The following FZD3 variants were observed in gnomAD, a reference collection of about 807,000 sequenced individuals.
FZD3 encodes the protein frizzled class receptor 3, also known as frizzled-3.
In FZD3, 30 loss-of-function variants were observed where a neutral mutation model predicts 60.7. The observed-to-expected ratio is 0.49, with a 90% CI of 0.37 to 0.67. FZD3 has a LOEUF of 0.67. Ranked by LOEUF, FZD3 falls within the 30% of genes least tolerant of loss-of-function variation. FZD3 has a pLI of 0.00. For synonymous variants in FZD3, 246 were observed against 275.2 expected (o/e 0.89, Z 1.05); for missense variants, 605 against 838.7 (o/e 0.72, Z 3.44).
chr8:28,506,005 C>A (rs1339020158), intron 3 of FZD3, among the ~76,000 whole-genome samples: 1 of 152,168 alleles, frequency 6.6e-6, no homozygotes, highest in African/African-American at 2.4e-5. Context: ...TTCTCTTTTC[C>A]CCTGTGTATG....
chr8:28,543,490 C>T (rs966464522), intron 5 of FZD3, among the ~76,000 whole-genome samples: 2 of 152,116 alleles, frequency 1.3e-5, no homozygotes, highest in Admixed American at 6.5e-5. Context: ...AAACAGTTCT[C>T]TTGCCTCAGC....
intron 4 of FZD3, 97 bp downstream of exon 4, chr8:28,520,931 G>A: frequency 1.3e-6 from 1 of 745,978 alleles, no homozygotes; most frequent in Non-Finnish European, 2.1e-6. Flanking sequence ...AACTTTTTTT[G>A]AAGTGTACAT....
chr8:28,522,122 T>TTTTA (rs1804596424), intron 4 of FZD3, among the ~76,000 whole-genome samples: 1 of 151,076 alleles, frequency 6.6e-6, no homozygotes, highest in Admixed American at 6.6e-5. Flanking sequence ...TTTTTTTTTT[T>TTTTA]GAGATGGAAT....
intron 6 of FZD3, among the ~76,000 whole-genome samples, chr8:28,552,999 G>A (rs762470048): frequency 1.3e-5 from 2 of 152,144 alleles, no homozygotes; most frequent in Non-Finnish European, 2.9e-5. Flanking sequence ...GTATACAAGA[G>A]GTTGTATGCA....
chr8:28,555,905 A>G lies in FZD3; in HGVS notation c.1721A>G (p.Lys574Arg). ...GCTATGGTGGATGATCAAAGAAGCA[A>G]AGCAGGAAGCATCCACAGCAAAGTG... The part of the protein sequence containing the change: ...QLAMVDDQRS[K>R]AGSIHSKVSS... Residue 574 changes from lysine (K) to arginine (R), a missense_variant, in exon 7 of 8, where the codon AAA becomes AGA. Coordinates refer to ENST00000240093, the MANE Select transcript of FZD3 (RefSeq NM_017412.4). 6.2e-7 allele frequency: 1 copy of G among 1,614,120 alleles called. No individual in the cohort carries two copies.
At chr8:28,522,920 C>G (rs1248817277) in intron 4 of FZD3, among the ~76,000 whole-genome samples, 2 of 151,978 alleles carry the variant, frequency 1.3e-5, no homozygotes, top group African/African-American at 4.8e-5. Context: ...CAGGTGCCCA[C>G]CACCACATCC....
Position 28,527,912 on chromosome 8 carries a change from A to C in FZD3, c.1152A>C (p.Val384=), listed in dbSNP as rs754026318. Residue 384 remains valine, a synonymous_variant, in exon 5 of 8, where the codon GTA becomes GTC. Coordinates refer to ENST00000240093, the MANE Select transcript of FZD3 (RefSeq NM_017412.4). This position sits in a 1 kb window ranked among gnomAD's most constrained non-coding sequence, Gnocchi z 5.0. Reference sequence around the variant, plus strand: ...TTGCTCCCCTCTGCCTGTATGTGGTAGTTGGGGTTTCTCTCCTCTTAGCTG... The same window carrying C: ...TTGCTCCCCTCTGCCTGTATGTGGTCGTTGGGGTTTCTCTCCTCTTAGCTG... The part of the protein sequence containing the change: ...FVLAPLCLYV[V]VGVSLLLAGI... 2 of 1,613,974 alleles carry C rather than the reference A, an allele frequency of 1.2e-6. No homozygotes were observed. Among genetic ancestry groups the C allele is most frequent in the Non-Finnish European group, 1.7e-6 (2 of 1,179,970 alleles).
Position 28,560,659 on chromosome 8 carries a change from C to T in FZD3, c.1788-2139C>T, listed in dbSNP as rs113228606. ...TAACTTTATATCATTACTAGAAAAC[C>T]GCATCATATTTTGCTCTTTTCATTT... On this transcript the variant is annotated intron_variant, in intron 7 of 7. Coordinates refer to ENST00000240093, the MANE Select transcript of FZD3 (RefSeq NM_017412.4). 9.1e-3 allele frequency among the ~76,000 whole-genome samples: 1,390 copies of T among 151,996 alleles called. 25 individuals are homozygous for T. The highest frequency in any genetic ancestry group is 0.031 in the African/African-American group (1,303 of 41,456).
At chr8:28,507,781 A>G (rs1804179353) in intron 3 of FZD3, among the ~76,000 whole-genome samples, 2 of 132,286 alleles carry the variant, frequency 1.5e-5, no homozygotes, top group Admixed American at 8.2e-5. Context: ...TTCATTGTGA[A>G]CTCAAGGATT....
intron 5 of FZD3, among the ~76,000 whole-genome samples, chr8:28,545,861 A>G (rs1805281624): frequency 6.6e-6 from 1 of 152,238 alleles, no homozygotes; most frequent in South Asian, 2.1e-4. Context: ...ACAGCCATGC[A>G]CCACATAACA....
rs59022036 is a variant in FZD3, at chr8:28,530,089, CTGTGTGTGTGTGTGTGTGTGTGTG to C, written c.1404+1955_1404+1978del. On this transcript the variant is annotated intron_variant, in intron 5 of 7. Transcript: ENST00000240093. ...CAGTTTGAGCTACACTGAAATATAT[CTGTGTGTGTGTGTGTGTGTGTGTG>C]TGTGTGTGTGTGTGTGTGTGTGTGT... Among the ~76,000 whole-genome samples the C allele has an allele frequency of 5.3e-3, 732 of 138,600 alleles. 9 individuals carry two copies. The highest frequency in any genetic ancestry group is 0.019 in the African/African-American group (694 of 37,402). The allele number at this position is 138,600 out of a possible 152,430, so 90.9% of individuals were successfully genotyped here. A position where few individuals can be genotyped will look rare whatever the true frequency, so the allele number is the denominator to read the frequency against.
Position 28,573,175 on chromosome 8 carries a change from C to T in FZD3, c.*10164C>T, listed in dbSNP as rs1805835732. 6.6e-6 allele frequency: 1 copy of T among 152,102 alleles called. No homozygotes were observed. Among genetic ancestry groups the T allele is most frequent in the South Asian group, 2.1e-4 (1 of 4,822 alleles). 9.4% of individuals were successfully genotyped at this position (152,102 alleles called of 1,614,324 possible). ...AACTTCCTTACCTGCCTTCTATCCC[C>T]TAGTCATTCTTATCAATACTTCCAA... On this transcript the variant is annotated 3_prime_UTR_variant, in exon 8 of 8. Transcript: ENST00000240093.
At chr8:28,541,175 CCTT>C (rs1805157441) in intron 5 of FZD3, among the ~76,000 whole-genome samples, 3 of 152,186 alleles carry the variant, frequency 2.0e-5, no homozygotes, top group East Asian at 1.9e-4. Flanking sequence ...AGGGGACACT[CCTT>C]CTTTATAGCA....
At position 28,555,894 on chromosome 8, in the gene FZD3, T is replaced by G; in HGVS notation, c.1710T>G (p.Asp570Glu). ...CAACTCAGCTGGCTATGGTGGATGA[T>G]CAAAGAAGCAAAGCAGGAAGCATCC... Reference protein sequence around the residue: ...ASSTQLAMVDDQRSKAGSIHS... With the variant: ...ASSTQLAMVDEQRSKAGSIHS... Residue 570 changes from aspartate (D) to glutamate (E), a missense_variant, in exon 7 of 8, where the codon GAT becomes GAG. Transcript: ENST00000240093. 2 of 1,614,048 alleles carry G rather than the reference T, an allele frequency of 1.2e-6. No homozygotes were observed. The highest frequency in any genetic ancestry group is 1.7e-5 in the Admixed American group (1 of 60,008).
chr8:28,572,820 G>A lies in FZD3; in HGVS notation c.*9809G>A, dbSNP rs1377331657. 1 of 152,036 alleles carries A rather than the reference G, an allele frequency of 6.6e-6. No homozygotes were observed. Among genetic ancestry groups the A allele is most frequent in the Non-Finnish European group, 1.5e-5 (1 of 68,000 alleles). 9.4% of individuals were successfully genotyped at this position (152,036 alleles called of 1,614,324 possible). On this transcript the variant is annotated 3_prime_UTR_variant, in exon 8 of 8. Transcript: ENST00000240093. ...CCTTTATTTCATTATAAAAGTATAT[G>A]AGTTGAAGATCATATAAAAAATATG...
chr8:28,558,955 T>A (rs1461623608), intron 7 of FZD3, among the ~76,000 whole-genome samples: 2 of 152,122 alleles, frequency 1.3e-5, no homozygotes, highest in Non-Finnish European at 2.9e-5. Context: ...CATACACATA[T>A]GAACCAGTTA....
At chr8:28,539,843 A>G (rs1441773434) in intron 5 of FZD3, among the ~76,000 whole-genome samples, 3 of 82,202 alleles carry the variant, frequency 3.6e-5, no homozygotes, top group Non-Finnish European at 7.0e-5. Context: ...AATTTAGGCC[A>G]TCACAATAAT....
Position 28,533,577 on chromosome 8 carries a change from GTTTGTTTTGTTTTGT to G in FZD3, c.1404+5441_1404+5455del, listed in dbSNP as rs199572463. On this transcript the variant is annotated intron_variant, in intron 5 of 7. Coordinates refer to ENST00000240093, the MANE Select transcript of FZD3 (RefSeq NM_017412.4). ...TGAACTTAACTTTAAGTAACTTTAT[GTTTGTTTTGTTTTGT>G]TTTGTTTTGTTTTGTTTTGTTTTGT... 1.5e-3 allele frequency among the ~76,000 whole-genome samples: 225 copies of G among 150,746 alleles called. 1 individual carries two copies. Among genetic ancestry groups the G allele is most frequent in the African/African-American group, 2.3e-3 (93 of 40,764 alleles).
intron 3 of FZD3, among the ~76,000 whole-genome samples, chr8:28,516,719 C>G (rs1422853468): frequency 6.6e-6 from 1 of 151,938 alleles, no homozygotes; most frequent in Non-Finnish European, 1.5e-5. Flanking sequence ...GGGTTTATAT[C>G]TACAGTCTTA....
Sources: gnomAD v4.1 joint callset for allele counts (sites outside exome capture counted in the v4.1 genomes callset) on GRCh38, gnomAD v4.1.1 for gene constraint, Gnocchi (gnomAD v3.1) non-coding constraint, MANE v1.5 for transcripts, NCBI Gene and HGNC (gene_info 2026-07-23, HGNC 2026-07-21) for gene names.